Variants in DGKB observed in about 807,000 individuals in gnomAD.
The protein encoded by DGKB is 90 kDa diacylglycerol kinase.
In DGKB, 67 loss-of-function variants were observed where a neutral mutation model predicts 114.3. That is an observed-to-expected ratio of 0.59 (90% CI 0.48 to 0.72). The LOEUF (loss-of-function observed/expected upper bound fraction) is 0.72. Among genes scored for constraint, DGKB ranks in the 30% least tolerant of loss-of-function variants. DGKB has a pLI of 0.00. For missense variants in DGKB, 907 were observed against 975.2 expected (o/e 0.93, Z 0.93); for synonymous variants, 398 against 323.1 (o/e 1.23, Z -2.49).
At chr7:14,862,719 C>T (rs961575845) in intron 1 of DGKB, among the ~76,000 whole-genome samples, 3 of 151,890 alleles carry the variant, frequency 2.0e-5, no homozygotes, top group East Asian at 1.9e-4. Flanking sequence ...GAATTCAAAG[C>T]GAAAAAAGCC....
chr7:14,461,261 T>G (rs1275250139), intron 21 of DGKB, among the ~76,000 whole-genome samples: 2 of 149,584 alleles, frequency 1.3e-5, no homozygotes, highest in Non-Finnish European at 1.5e-5. Context: ...AGAGCAGAAC[T>G]GAAGGAGATA....
chr7:14,884,755 C>T (rs541164413), intron 1 of DGKB, among the ~76,000 whole-genome samples: 1 of 152,056 alleles, frequency 6.6e-6, no homozygotes, highest in Non-Finnish European at 1.5e-5. Flanking sequence ...AACGGCAACT[C>T]ATGCTCCAAA....
chr7:14,275,432 A>G (rs1331797231), intron 23 of DGKB, among the ~76,000 whole-genome samples: 2 of 152,204 alleles, frequency 1.3e-5, no homozygotes, highest in African/African-American at 2.4e-5. Context: ...TACTTCTTCA[A>G]CTAATCCAGG....
At position 14,719,941 on chromosome 7, in the gene DGKB, C is replaced by T. The variant is rs569187625; in HGVS notation, c.323-1256G>A. ...TTTTCCCCACTTTACAGATTAGGGA[C>T]CGTCTTACAGATTTTAACTTCCCAG... On this transcript the variant is annotated intron_variant, in intron 5 of 25. Transcript: ENST00000402815. 1.2e-4 allele frequency among the ~76,000 whole-genome samples: 19 copies of T among 152,274 alleles called. 1 individual carries two copies. The South Asian group carries it at 3.9e-3, about 32-fold the overall frequency.
intron 1 of DGKB, among the ~76,000 whole-genome samples, chr7:14,856,714 A>T (rs533050865): frequency 2.0e-5 from 3 of 152,206 alleles, no homozygotes; most frequent in Admixed American, 6.5e-5. Flanking sequence ...ATGAAGATTT[A>T]GGCTTTATTT....
chr7:14,501,355 T>C (rs1012328346), intron 20 of DGKB, among the ~76,000 whole-genome samples: 2 of 142,498 alleles, frequency 1.4e-5, no homozygotes, highest in Admixed American at 7.2e-5. Flanking sequence ...AGGAGGTATA[T>C]GGTTATGGCT....
At chr7:14,319,629 G>T (rs567268485) in intron 23 of DGKB, among the ~76,000 whole-genome samples, 2 of 152,224 alleles carry the variant, frequency 1.3e-5, no homozygotes, top group East Asian at 3.9e-4. Context: ...GAGAACCAGT[G>T]TACTCTTTGG....
chr7:14,879,931 T>C (rs981755395), intron 1 of DGKB, among the ~76,000 whole-genome samples: 1 of 152,202 alleles, frequency 6.6e-6, no homozygotes, highest in Non-Finnish European at 1.5e-5. Flanking sequence ...ATGCCCAGCA[T>C]ACTCAAAATC....
At chr7:14,749,212 T>G (rs1639236) in intron 4 of DGKB, among the ~76,000 whole-genome samples, 54,201 of 152,050 alleles carry the variant, frequency 0.36, 13,375 homozygotes, top group African/African-American at 0.69. Context: ...ATATTGCATT[T>G]CTTATGCTTA....
At chr7:14,333,523 T>A (rs1266526650) in intron 23 of DGKB, among the ~76,000 whole-genome samples, 1 of 151,696 alleles carries the variant, frequency 6.6e-6, no homozygotes, top group African/African-American at 2.4e-5. Flanking sequence ...AGGAAGACAA[T>A]TGCAATGCGA....
intron 4 of DGKB, among the ~76,000 whole-genome samples, chr7:14,743,606 T>G (rs887637476): frequency 2.0e-5 from 3 of 152,178 alleles, no homozygotes; most frequent in African/African-American, 7.2e-5. Flanking sequence ...ACATGGGATC[T>G]CCAAAATGAT....
intron 23 of DGKB, among the ~76,000 whole-genome samples, chr7:14,276,838 T>C (rs569265787): frequency 1.3e-5 from 2 of 151,926 alleles, no homozygotes; most frequent in Non-Finnish European, 2.9e-5. Context: ...AAATTATTAT[T>C]ATTGCTTTAT....
chr7:14,547,406 A>C (rs1203830707), intron 20 of DGKB, among the ~76,000 whole-genome samples: 1 of 152,212 alleles, frequency 6.6e-6, no homozygotes, highest in African/African-American at 2.4e-5. Flanking sequence ...TATTATGATA[A>C]TATGACTAAA....
intron 2 of DGKB, among the ~76,000 whole-genome samples, chr7:14,823,752 C>T (rs1406317603): frequency 6.6e-6 from 1 of 152,140 alleles, no homozygotes; most frequent in Non-Finnish European, 1.5e-5. Flanking sequence ...CCCTGCTTCT[C>T]CATATACTGC....
At chr7:14,854,441 G>T (rs1264016517) in intron 1 of DGKB, among the ~76,000 whole-genome samples, 2 of 152,192 alleles carry the variant, frequency 1.3e-5, no homozygotes, top group African/African-American at 2.4e-5. Context: ...CCATGGACGA[G>T]GGGTGGAGGC....
chr7:14,850,131 A>G (rs76656035), intron 1 of DGKB, among the ~76,000 whole-genome samples: 553 of 152,340 alleles, frequency 3.6e-3, no homozygotes, highest in African/African-American at 0.012. Context: ...CAATTAAATG[A>G]CAATTGAAGC....
At chr7:14,678,466 T>C (rs559270233) in intron 12 of DGKB, among the ~76,000 whole-genome samples, 1 of 152,078 alleles carries the variant, frequency 6.6e-6, no homozygotes, top group African/African-American at 2.4e-5. Flanking sequence ...AACAAAATAG[T>C]AGGCATGAGG....
At chr7:14,303,529 T>A (rs1475602018) in intron 23 of DGKB, among the ~76,000 whole-genome samples, 2 of 152,084 alleles carry the variant, frequency 1.3e-5, no homozygotes, top group African/African-American at 4.8e-5. Flanking sequence ...GAATACTAAT[T>A]TATTTTCCCA....
At chr7:14,506,495 G>A (rs56938715) in intron 20 of DGKB, among the ~76,000 whole-genome samples, 2,271 of 152,112 alleles carry the variant, frequency 0.015, 50 homozygotes, top group African/African-American at 0.051. Context: ...GGATTTAGAC[G>A]GCCTGGCTAA....
Sources: allele counts gnomAD v4.1 joint callset (sites outside exome capture counted in the v4.1 genomes callset), GRCh38; gene constraint gnomAD v4.1.1; transcripts MANE v1.5; gene names NCBI Gene and HGNC (gene_info 2026-07-23, HGNC 2026-07-21).